Variants in PKD1L3 observed in about 807,000 individuals in gnomAD.
PKD1L3 encodes the protein polycystin-1-like protein 3.
A neutral mutation model predicts 184.1 loss-of-function variants in PKD1L3; 239 were observed. The observed-to-expected ratio is 1.30, with a 90% CI of 1.17 to 1.45. The LOEUF (loss-of-function observed/expected upper bound fraction) is 1.45. Ranked by LOEUF, PKD1L3 falls within the 40% of genes most tolerant of loss-of-function variation. PKD1L3 has a pLI of 0.00. For synonymous variants in PKD1L3, 996 were observed against 778.8 expected (o/e 1.28, Z -4.64); for missense variants, 2,660 against 2,067.2 (o/e 1.29, Z -5.56).
chr16:71,933,356 G>T lies in PKD1L3; in HGVS notation c.4926+64C>A, dbSNP rs1210270899. Reference sequence around the variant, plus strand: ...TACAGTAGGGGGCTGTTTTCATAAGGACCCCCCCAATTTTCCTTGTTCAAT... The same window carrying T: ...TACAGTAGGGGGCTGTTTTCATAAGTACCCCCCCAATTTTCCTTGTTCAAT... On this transcript the variant is annotated intron_variant, in intron 28 of 29. Transcript: ENST00000620267. 4.8e-6 allele frequency: 6 copies of T among 1,240,478 alleles called. No homozygotes were observed. The East Asian group carries it at 1.0e-4, about 21-fold the overall frequency. 76.8% of individuals were successfully genotyped at this position (1,240,478 alleles called of 1,614,324 possible). A position where few individuals can be genotyped will look rare whatever the true frequency, so the allele number is the denominator to read the frequency against.
intron 1 of PKD1L3, 75 bp downstream of exon 1, chr16:71,999,609 T>C: frequency 3.0e-6 from 4 of 1,321,994 alleles, no homozygotes; most frequent in African/African-American, 1.5e-5. Flanking sequence ...AAGATTAAGA[T>C]TTTCTTTTTT....
intron 24 of PKD1L3, among the ~76,000 whole-genome samples, chr16:71,941,581 C>CT (rs35509080): frequency 0.043 from 4,390 of 102,188 alleles, 286 homozygotes; most frequent in African/African-American, 0.14. Flanking sequence ...CTATGACATT[C>CT]TTTTTTTTTT....
chr16:71,950,230 C>T lies in PKD1L3; in HGVS notation c.3271G>A (p.Gly1091Ser). Residue 1091 changes from glycine (G) to serine (S), a missense_variant, in exon 20 of 30, where the codon GGT becomes AGT. Coordinates refer to ENST00000620267, the MANE Select transcript of PKD1L3 (RefSeq NM_181536.2). ...QRLKSHLGTL[G>S]LTQGHQSCDF... ...CAGGACTGGTGACCCTGGGTGAGAC[C>T]CAGCGTGCCTAAGTGAGATTTCAGC... The T allele has an allele frequency of 6.4e-7, 1 of 1,551,930 alleles. No individual in the cohort carries two copies. The highest frequency in any genetic ancestry group is 8.7e-7 in the Non-Finnish European group (1 of 1,147,058).
At chr16:71,991,355 A>C (rs1249178202) in intron 3 of PKD1L3, 1 of 198,492 alleles carries the variant, frequency 5.0e-6, no homozygotes, top group Non-Finnish European at 1.2e-5. Flanking sequence ...AGAAAGGTAG[A>C]GGTAACCAAA....
Position 71,951,675 on chromosome 16 carries a change from G to T in PKD1L3, c.3079C>A (p.Pro1027Thr). Reference sequence around the variant, plus strand: ...TTAGTAATGTCCCAAGAACTCCATGGCGGCTGCTCACACTTGGAGAGTAGG... The same window carrying T: ...TTAGTAATGTCCCAAGAACTCCATGTCGGCTGCTCACACTTGGAGAGTAGG... ...TYLLSKCEQPPWSSWDITKLV... is the reference protein window; with the variant it reads ...TYLLSKCEQPTWSSWDITKLV... The change falls in exon 19 of 30, where the codon CCA (proline) becomes ACA (threonine). Residue 1027 changes from proline to threonine, a missense_variant. Coordinates refer to ENST00000620267, the MANE Select transcript of PKD1L3 (RefSeq NM_181536.2). The T allele has an allele frequency of 6.4e-7, 1 of 1,551,654 alleles. No homozygotes were observed. Among genetic ancestry groups the T allele is most frequent in the Middle Eastern group, 1.7e-4 (1 of 5,992 alleles).
chr16:71,991,995 G>GT (rs1481148061), intron 3 of PKD1L3, among the ~76,000 whole-genome samples: 1 of 152,050 alleles, frequency 6.6e-6, no homozygotes, highest in Non-Finnish European at 1.5e-5. Flanking sequence ...ATTTTTAAAA[G>GT]TTTTTTGTAG....
intron 9 of PKD1L3, 134 bp from the exon 10 acceptor site, chr16:71,978,517 A>G (rs2040020747): frequency 7.8e-6 from 1 of 128,034 alleles, no homozygotes; most frequent in Non-Finnish European, 1.5e-5. Flanking sequence ...ATATATATAT[A>G]TATACATACA....
At chr16:71,980,508 C>T (rs1338821172) in intron 7 of PKD1L3, among the ~76,000 whole-genome samples, 1 of 152,100 alleles carries the variant, frequency 6.6e-6, no homozygotes, top group Non-Finnish European at 1.5e-5. Flanking sequence ...CAACCATCAC[C>T]ACAATCTAAT....
intron 5 of PKD1L3, among the ~76,000 whole-genome samples, chr16:71,984,453 G>A (rs916938797): frequency 2.0e-5 from 3 of 152,224 alleles, no homozygotes; most frequent in African/African-American, 7.2e-5. Context: ...TAAGTGTTAA[G>A]GCCATGAAGA....
chr16:71,954,554 C>T (rs1036004558), intron 16 of PKD1L3, among the ~76,000 whole-genome samples: 2 of 151,964 alleles, frequency 1.3e-5, no homozygotes, highest in African/African-American at 2.4e-5. Context: ...ATATGCTATG[C>T]GAGTTTAAAA....
chr16:72,000,041 A>G lies in PKD1L3; in HGVS notation c.-63T>C. The G allele has an allele frequency of 1.6e-6, 2 of 1,274,796 alleles. No homozygotes were observed. Among genetic ancestry groups the G allele is most frequent in the Non-Finnish European group, 2.1e-6 (2 of 948,416 alleles). The allele number at this position is 1,274,796 out of a possible 1,614,324, so 79.0% of individuals were successfully genotyped here. ...AGCAGCTGCCTGGTCCTTTAAATAT[A>G]TATATTGGCGGGCTTGTCTTATTAG... On this transcript the variant is annotated 5_prime_UTR_variant, in exon 1 of 30. Coordinates refer to ENST00000620267, the MANE Select transcript of PKD1L3 (RefSeq NM_181536.2).
At chr16:71,980,660 C>T (rs566237250) in intron 7 of PKD1L3, among the ~76,000 whole-genome samples, 1 of 152,058 alleles carries the variant, frequency 6.6e-6, no homozygotes, top group Non-Finnish European at 1.5e-5. Flanking sequence ...ATTGTGAAAC[C>T]CTGTCTCTAC....
intron 16 of PKD1L3, among the ~76,000 whole-genome samples, chr16:71,955,919 C>A (rs2039027517): frequency 6.6e-6 from 1 of 152,182 alleles, no homozygotes; most frequent in Non-Finnish European, 1.5e-5. Context: ...CCTCCCAAGC[C>A]ATGCTTAACT....
chr16:71,934,640 T>A (rs1367988473), intron 26 of PKD1L3, among the ~76,000 whole-genome samples: 2 of 152,174 alleles, frequency 1.3e-5, no homozygotes, highest in Non-Finnish European at 2.9e-5. Context: ...TTAGGTTTTG[T>A]TTTGAGAGAG....
At position 71,969,904 on chromosome 16, in the gene PKD1L3, G is replaced by C. The variant is rs760499234; in HGVS notation, c.2155C>G (p.Arg719Gly). ...TGCATATCTGCTTGATCCTTTTTCC[G>C]AGCCCACACAACTGTGATCACATAA... ...GFYVITVVWA[R>G]KKDQADMQKV... The change falls in exon 13 of 30, where the codon CGG becomes GGG. Residue 719 changes from arginine to glycine, a missense_variant. Coordinates refer to ENST00000620267, the MANE Select transcript of PKD1L3 (RefSeq NM_181536.2). 9.0e-6 allele frequency: 14 copies of C among 1,548,976 alleles called. No individual in the cohort carries two copies. In the East Asian group the frequency reaches 3.2e-4, roughly 35 times the overall value.
At chr16:71,995,377 T>A (rs1443965348) in intron 2 of PKD1L3, among the ~76,000 whole-genome samples, 2 of 152,214 alleles carry the variant, frequency 1.3e-5, no homozygotes, top group African/African-American at 2.4e-5. Context: ...AGAGTTCCAA[T>A]GCCAAACTAT....
intron 10 of PKD1L3, 149 bp from the exon 11 acceptor site, chr16:71,977,616 T>TGAACTCCTGGTCTC (rs2039983397): frequency 6.3e-6 from 4 of 632,756 alleles, no homozygotes; most frequent in Non-Finnish European, 1.1e-5. Flanking sequence ...ACGTTGGTCT[T>TGAACTCCTGGTCTC]GAACTCCTGG....
chr16:71,972,234 CAA>C (rs145226854), intron 12 of PKD1L3, among the ~76,000 whole-genome samples: 1 of 149,092 alleles, frequency 6.7e-6, no homozygotes, highest in Non-Finnish European at 1.5e-5. Context: ...CACAAAAAAA[CAA>C]AAAAAAACAA....
chr16:71,963,389 G>C, intron 15 of PKD1L3, 38 bp from the exon 16 acceptor site: 2 of 1,507,178 alleles, frequency 1.3e-6, no homozygotes, highest in African/African-American at 1.4e-5. Flanking sequence ...AGGGAGATGG[G>C]CTTGAATCAG....
Sources: allele counts gnomAD v4.1 joint callset (sites outside exome capture counted in the v4.1 genomes callset), GRCh38; gene constraint gnomAD v4.1.1; transcripts MANE v1.5; gene names NCBI Gene and HGNC (gene_info 2026-07-23, HGNC 2026-07-21).